CLTB: variants seen among roughly 807,000 people sequenced by gnomAD.
The protein encoded by CLTB is clathrin, light chain (Lcb).
CLTB carries 10 observed loss-of-function variants against 30.5 expected under a neutral mutation model. The ratio of observed to expected loss-of-function variants is 0.33; its 90% CI spans 0.20 to 0.56. The LOEUF (loss-of-function observed/expected upper bound fraction) is 0.56, where lower values mean the gene tolerates loss of function less well. CLTB is among the 20% of genes least tolerant of loss of function. The probability of loss-of-function intolerance (pLI) is 0.91; values close to 1 mark genes in which losing one functional copy is unlikely to be tolerated. For synonymous variants in CLTB, 102 were observed against 120.3 expected (o/e 0.85, Z 1.00); for missense variants, 261 against 308.3 (o/e 0.85, Z 1.15).
In CLTB at chr5:176,392,700, A is replaced by T. The variant is rs1756310620; in HGVS notation, c.*74T>A. The T allele has an allele frequency of 1.9e-6, 3 of 1,550,054 alleles. No individual in the cohort carries two copies. Among genetic ancestry groups the T allele is most frequent in the Non-Finnish European group, 2.6e-6 (3 of 1,132,258 alleles). ...TGGGTAGCAGCTGCTGCGAGTCTCC[A>T]CCCCGACCAAAGCAGCTGCTCCTCC... On this transcript the variant is annotated 3_prime_UTR_variant, in exon 6 of 6. Coordinates refer to ENST00000310418, the MANE Select transcript of CLTB (RefSeq NM_007097.5). This position sits in a 1 kb window ranked among gnomAD's most constrained non-coding sequence, Gnocchi z 5.2.
intron 1 of CLTB, among the ~76,000 whole-genome samples, chr5:176,413,698 G>C (rs1757561429): frequency 6.6e-6 from 1 of 152,186 alleles, no homozygotes; most frequent in Non-Finnish European, 1.5e-5. Flanking sequence ...CCAGGCTCCT[G>C]GCACACATCC....
intron 1 of CLTB, 31 bp from the exon 2 acceptor site, chr5:176,410,334 C>T: frequency 6.2e-7 from 1 of 1,604,124 alleles, no homozygotes; most frequent in Non-Finnish European, 8.5e-7. Flanking sequence ...TAGCATTACT[C>T]ACTGTTTAGC....
At chr5:176,394,547 G>C (rs1480663387) in intron 5 of CLTB, among the ~76,000 whole-genome samples, 2 of 151,906 alleles carry the variant, frequency 1.3e-5, no homozygotes, top group Non-Finnish European at 2.9e-5. Flanking sequence ...GCCAGGCGCG[G>C]TGGCTCATGC....
chr5:176,416,568 G>C (rs1188980528), upstream of CLTB: 11 of 252,790 alleles, frequency 4.4e-5, no homozygotes, highest in Non-Finnish European at 7.1e-5. Flanking sequence ...CGGGAGGAGC[G>C]GAGCCGGAAT....
intron 2 of CLTB, among the ~76,000 whole-genome samples, 194 bp from the exon 3 acceptor site, chr5:176,398,241 C>T (rs549699995): frequency 2.5e-4 from 38 of 152,296 alleles, no homozygotes; most frequent in African/African-American, 4.3e-4. Flanking sequence ...TGTGTGACTG[C>T]GGGCAAGTTA....
chr5:176,415,859 T>C (rs1757666135), intron 1 of CLTB, among the ~76,000 whole-genome samples: 1 of 152,148 alleles, frequency 6.6e-6, no homozygotes, highest in South Asian at 2.1e-4. Context: ...ACACCCAGGC[T>C]ATTAGGAGGC....
At chr5:176,396,455 C>T (rs1581424678) in intron 5 of CLTB, 24 bp downstream of exon 5, 2 of 1,605,838 alleles carry the variant, frequency 1.2e-6, no homozygotes, top group East Asian at 2.2e-5. Flanking sequence ...GCTCCCCCAA[C>T]AGAGAAGCAA....
intron 2 of CLTB, among the ~76,000 whole-genome samples, chr5:176,408,373 A>G (rs1757243862): frequency 6.6e-6 from 1 of 151,956 alleles, no homozygotes; most frequent in Non-Finnish European, 1.5e-5. Context: ...CATCTCTACT[A>G]AAAATACAAA....
At chr5:176,403,421 T>C (rs976398784) in intron 2 of CLTB, among the ~76,000 whole-genome samples, 41 of 151,376 alleles carry the variant, frequency 2.7e-4, no homozygotes, top group African/African-American at 9.2e-4. Context: ...CAACCCTACA[T>C]GGTTGGTTTT....
chr5:176,416,274 C>T lies in CLTB; in HGVS notation c.90G>A (p.Gln30=), dbSNP rs751472351. Residue 30 remains glutamine (Q), a synonymous_variant, in exon 1 of 6, where the codon CAG becomes CAA. Transcript: ENST00000310418. ...CTATGCCTGCAATCTCGCTCTCCTG[C>T]TGGGCCAGGAAGGCGGCCGCCGGGT... ...EEDPAAAFLA[Q]QESEIAGIEN... The T allele has an allele frequency of 6.2e-7, 1 of 1,606,746 alleles. No individual in the cohort carries two copies. The highest frequency in any genetic ancestry group is 1.1e-5 in the South Asian group (1 of 90,716).
intron 1 of CLTB, among the ~76,000 whole-genome samples, chr5:176,413,691 G>A (rs1426036262): frequency 2.0e-5 from 3 of 152,214 alleles, no homozygotes; most frequent in African/African-American, 7.2e-5. Flanking sequence ...GCCCCATCCA[G>A]GCTCCTGGCA....
At chr5:176,409,942 G>C (rs893471340) in intron 2 of CLTB, among the ~76,000 whole-genome samples, 1 of 152,200 alleles carries the variant, frequency 6.6e-6, no homozygotes, top group Non-Finnish European at 1.5e-5. Context: ...CCCGTCAGTG[G>C]TGAGGGAAGG....
chr5:176,404,406 T>C (rs1364000319), intron 2 of CLTB, among the ~76,000 whole-genome samples: 1 of 152,226 alleles, frequency 6.6e-6, no homozygotes, highest in East Asian at 1.9e-4. Context: ...CCACAGCCCT[T>C]TGGGGCAGCG....
chr5:176,396,609 A>G (rs1756536560), intron 4 of CLTB, 77 bp from the exon 5 acceptor site: 3 of 924,368 alleles, frequency 3.2e-6, no homozygotes. Flanking sequence ...AGAAGGTTAG[A>G]GAGAGAGAGA....
At chr5:176,394,378 G>A (rs1429329708) in intron 5 of CLTB, among the ~76,000 whole-genome samples, 1 of 152,248 alleles carries the variant, frequency 6.6e-6, no homozygotes, top group Non-Finnish European at 1.5e-5. Context: ...TCATAGGCAT[G>A]TGAAAGTTTG....
intron 2 of CLTB, among the ~76,000 whole-genome samples, chr5:176,409,899 G>A (rs1757339497): frequency 2.0e-5 from 3 of 152,256 alleles, no homozygotes; most frequent in South Asian, 2.1e-4. Flanking sequence ...CAAAGGGCCC[G>A]CCCTGTGTGT....
chr5:176,410,986 C>A (rs989627977), intron 1 of CLTB, among the ~76,000 whole-genome samples: 2 of 152,220 alleles, frequency 1.3e-5, no homozygotes, highest in African/African-American at 4.8e-5. Context: ...TTGCCCTCCA[C>A]TCTCTCCCGC....
At chr5:176,404,839 G>A (rs1377281529) in intron 2 of CLTB, among the ~76,000 whole-genome samples, 1 of 152,160 alleles carries the variant, frequency 6.6e-6, no homozygotes, top group Non-Finnish European at 1.5e-5. Context: ...CTTGGCCTTG[G>A]CCAAGGCCAC....
chr5:176,396,657 G>C, intron 4 of CLTB, 125 bp from the exon 5 acceptor site: 1 of 757,196 alleles, frequency 1.3e-6, no homozygotes, highest in Non-Finnish European at 2.3e-6. Context: ...GAAATGTTAG[G>C]AAGCATAGTT....
Sources: gnomAD v4.1 joint callset for allele counts (sites outside exome capture counted in the v4.1 genomes callset) on GRCh38, gnomAD v4.1.1 for gene constraint, Gnocchi (gnomAD v3.1) non-coding constraint, MANE v1.5 for transcripts, NCBI Gene and HGNC (gene_info 2026-07-23, HGNC 2026-07-21) for gene names.